Variants in MEFV observed in about 807,000 individuals in gnomAD.
MEFV encodes the protein MEFV innate immunity regulator, pyrin, also known as pyrin.
A neutral mutation model predicts 62.5 loss-of-function variants in MEFV; 60 were observed. That is an observed-to-expected ratio of 0.96 (90% CI 0.78 to 1.19). The LOEUF is 1.19. Among genes scored for constraint, MEFV ranks in the 50% most tolerant of loss-of-function variants. The probability of loss-of-function intolerance (pLI) is 0.00; values close to 1 mark genes in which losing one functional copy is unlikely to be tolerated. For synonymous variants in MEFV, 500 were observed against 415.2 expected, an observed-to-expected ratio of 1.20 and a Z score of -2.48; for missense variants, 1,169 against 1,004.5, an observed-to-expected ratio of 1.16 and a Z score of -2.21.
chr16:3,254,567 C>G lies in MEFV; in HGVS notation c.501G>C (p.Glu167Asp), dbSNP rs104895079. ...PLSKRREKASEGLDAQGKPRT... is the reference protein window; with the variant it reads ...PLSKRREKASDGLDAQGKPRT... The stretch of plus-strand genomic sequence containing the variant: ...GAGGCTTGCCCTGCGCGTCCAGGCC[C>G]TCCGAGGCCTTCTCTCTGCGTTTGC... The change falls in exon 2 of 10, where the codon GAG becomes GAC. Residue 167 changes from glutamate to aspartate, a missense_variant. Coordinates refer to ENST00000219596, the MANE Select transcript of MEFV (RefSeq NM_000243.3). 3.1e-5 allele frequency: 48 copies of G among 1,571,766 alleles called. No homozygotes were observed. Among genetic ancestry groups the G allele is most frequent in the Middle Eastern group, 3.8e-4 (2 of 5,282 alleles).
Position 3,246,999 on chromosome 16 carries a change from G to C in MEFV, c.1587+17C>G. 1 of 1,612,938 alleles carries C rather than the reference G, an allele frequency of 6.2e-7. No homozygotes were observed. The highest frequency in any genetic ancestry group is 1.1e-5 in the South Asian group (1 of 91,052). On this transcript the variant is annotated intron_variant, in intron 5 of 9. Transcript: ENST00000219596. ...AGGCACAGGGGACCCAAGAAAGCCGGGCCCAGGCACACCCACCTGCAGAAG... is the reference window on the plus strand; with the variant it reads ...AGGCACAGGGGACCCAAGAAAGCCGCGCCCAGGCACACCCACCTGCAGAAG...
At position 3,243,011 on chromosome 16, in the gene MEFV, G is replaced by A; in HGVS notation, c.*130C>T. ...TCTGCTATAATCGGGTAGGCTCCGT[G>A]GGCACAGTAACTATTTTGTTATTTT... is the stretch of plus-strand genomic sequence containing the variant. On this transcript the variant is annotated 3_prime_UTR_variant, in exon 10 of 10. Transcript: ENST00000219596. The A allele has an allele frequency of 9.5e-7, 1 of 1,054,892 alleles. No homozygotes were observed. Among genetic ancestry groups the A allele is most frequent in the Non-Finnish European group, 1.4e-6 (1 of 705,010 alleles). 65.3% of individuals were successfully genotyped at this position (1,054,892 alleles called of 1,614,324 possible). A position where few individuals can be genotyped will look rare whatever the true frequency, so the allele number is the denominator to read the frequency against.
rs746407337 is a variant in MEFV, at chr16:3,249,022, G to A, written c.1261-18C>T. ...ATTTTCTTCTGGAAAAACAGCACTTGTTGAAAAGCTTGAATTTGGCTCCTG... is the reference window on the plus strand; with the variant it reads ...ATTTTCTTCTGGAAAAACAGCACTTATTGAAAAGCTTGAATTTGGCTCCTG... On this transcript the variant is annotated intron_variant, in intron 3 of 9. Transcript: ENST00000219596. 1.7e-5 allele frequency: 27 copies of A among 1,612,846 alleles called. No homozygotes were observed. Among genetic ancestry groups the A allele is most frequent in the Non-Finnish European group, 2.2e-5 (26 of 1,179,086 alleles).
rs1567232255 is a variant in MEFV, at chr16:3,244,531, C to G, written c.1668G>C (p.Lys556Asn). The change falls in exon 7 of 10, where the codon AAG (lysine) becomes AAC (asparagine). Residue 556 changes from lysine (K) to asparagine (N), a missense_variant. By Grantham distance (94) the Lys-to-Asn change is moderately conservative (BLOSUM62 0). Coordinates refer to ENST00000219596, the MANE Select transcript of MEFV (RefSeq NM_000243.3). ...KWTTPQEIKQKIQLLHQKSEF... is the reference protein window; with the variant it reads ...KWTTPQEIKQNIQLLHQKSEF... ...CTGACTTCTGGTGGAGGAGTTGGATCTTTTGTTTTATCTCTTGAGGAGTGG... is the reference window on the plus strand; with the variant it reads ...CTGACTTCTGGTGGAGGAGTTGGATGTTTTGTTTTATCTCTTGAGGAGTGG... 1 of 1,614,188 alleles carries G rather than the reference C, an allele frequency of 6.2e-7. No individual in the cohort carries two copies. The highest frequency in any genetic ancestry group is 8.5e-7 in the Non-Finnish European group (1 of 1,180,048).
At chr16:3,246,472 C>G in intron 6 of MEFV, 53 bp downstream of exon 6, 1 of 1,609,892 alleles carries the variant, frequency 6.2e-7, no homozygotes, top group Non-Finnish European at 8.5e-7. Flanking sequence ...GACTGTCTCC[C>G]CCATATGCTT....
chr16:3,254,984 A>T (rs1260258745), intron 1 of MEFV, among the ~76,000 whole-genome samples, 194 bp from the exon 2 acceptor site: 1 of 152,194 alleles, frequency 6.6e-6, no homozygotes, highest in Non-Finnish European at 1.5e-5. Flanking sequence ...TGAGATCAGG[A>T]GTTCAAGACC....
At position 3,244,678 on chromosome 16, in the gene MEFV, G is replaced by A. The variant is rs1231124; in HGVS notation, c.1611-90C>T. ...CTGGAAATGAACTACATTCTCCACAGGGCACACCTAGCCCAGCCTGAGCTA... is the reference window on the plus strand; with the variant it reads ...CTGGAAATGAACTACATTCTCCACAAGGCACACCTAGCCCAGCCTGAGCTA... On this transcript the variant is annotated intron_variant, in intron 6 of 9. Coordinates refer to ENST00000219596, the MANE Select transcript of MEFV (RefSeq NM_000243.3). 397,922 of 945,006 alleles carry A rather than the reference G, an allele frequency of 0.42. 86,632 individuals carry two copies. Among genetic ancestry groups the A allele is most frequent in the Middle Eastern group, 0.47 (1,532 of 3,254 alleles). The allele number at this position is 945,006 out of a possible 1,614,324, so 58.5% of individuals were successfully genotyped here. A position where few individuals can be genotyped will look rare whatever the true frequency, so the allele number is the denominator to read the frequency against.
At chr16:3,248,517 G>C (rs574778911) in intron 4 of MEFV, 19 of 261,410 alleles carry the variant, frequency 7.3e-5, no homozygotes, top group African/African-American at 3.8e-4. Flanking sequence ...TTGAACCCGG[G>C]AGGCAGAGGT....
In MEFV at chr16:3,254,201, CG is replaced by C; in HGVS notation, c.866del (p.Ala289GlyfsTer3). 6.2e-7 allele frequency: 1 copy of C among 1,614,244 alleles called. No homozygotes were observed. Among genetic ancestry groups the C allele is most frequent in the Non-Finnish European group, 8.5e-7 (1 of 1,180,042 alleles). ...ARPTPDGGAS[A>X]DLKEGPGNPE... The stretch of plus-strand genomic sequence containing the variant: ...GATTTCCAGGGCCTTCCTTCAGGTC[CG>C]CAGATGCCCCTCCATCCGGAGTGGG... On this transcript the variant is annotated frameshift_variant, in exon 2 of 10. Transcript: ENST00000219596. LOFTEE classifies it high-confidence loss of function.
rs224218 is a variant in MEFV, at chr16:3,251,897, A to G, written c.911-2117T>C. ...CATCAGATTAACGAAGCGGCCCTAG[A>G]AGACACCCAGGAATCCCAATGATAT... On this transcript the variant is annotated intron_variant, in intron 2 of 9. Coordinates refer to ENST00000219596, the MANE Select transcript of MEFV (RefSeq NM_000243.3). 117,835 of 259,996 alleles carry G rather than the reference A, an allele frequency of 0.45. 28,684 individuals carry two copies. The highest frequency in any genetic ancestry group is 0.56 in the Admixed American group (13,737 of 24,474). 16.1% of individuals were successfully genotyped at this position (259,996 alleles called of 1,614,324 possible). A position where few individuals can be genotyped will look rare whatever the true frequency, so the allele number is the denominator to read the frequency against.
At chr16:3,250,746 C>T (rs1406209125) in intron 2 of MEFV, among the ~76,000 whole-genome samples, 4 of 151,240 alleles carry the variant, frequency 2.6e-5, no homozygotes, top group Non-Finnish European at 5.9e-5. Flanking sequence ...AAACACAAGG[C>T]CGAGCGCAGT....
chr16:3,254,054 C>G, intron 2 of MEFV, 104 bp downstream of exon 2: 1 of 1,322,838 alleles, frequency 7.6e-7, no homozygotes, highest in African/African-American at 1.4e-5. Context: ...GCAATCCTCC[C>G]GCCCTGGCCT....
chr16:3,242,986 T>C lies in MEFV; in HGVS notation c.*155A>G. On this transcript the variant is annotated 3_prime_UTR_variant, in exon 10 of 10. Coordinates refer to ENST00000219596, the MANE Select transcript of MEFV (RefSeq NM_000243.3). ...CTAACATGTTCGTTCCTAACTTACC[T>C]CTGCTATAATCGGGTAGGCTCCGTG... is the stretch of plus-strand genomic sequence containing the variant. 1 of 788,848 alleles carries C rather than the reference T, an allele frequency of 1.3e-6. No homozygotes were observed. The highest frequency in any genetic ancestry group is 2.1e-6 in the Non-Finnish European group (1 of 477,594). The allele number at this position is 788,848 out of a possible 1,614,324, so 48.9% of individuals were successfully genotyped here. A position where few individuals can be genotyped will look rare whatever the true frequency, so the allele number is the denominator to read the frequency against.
At position 3,254,312 on chromosome 16, in the gene MEFV, C is replaced by T. The variant is rs1473726981; in HGVS notation, c.756G>A (p.Lys252=). ...SLEVTISTGE[K]APANPEILLT... ...GGAGAATTTCTGGATTTGCGGGCGC[C>T]TTCTCCCCTGTAGAAATGGTGACCT... is the stretch of plus-strand genomic sequence containing the variant. Residue 252 remains lysine (K), a synonymous_variant, in exon 2 of 10, where the codon AAG becomes AAA. Coordinates refer to ENST00000219596, the MANE Select transcript of MEFV (RefSeq NM_000243.3). The T allele has an allele frequency of 1.2e-6, 2 of 1,614,258 alleles. No individual in the cohort carries two copies. The highest frequency in any genetic ancestry group is 1.7e-4 in the Middle Eastern group (1 of 6,060).
In MEFV at chr16:3,244,276, A is replaced by T; in HGVS notation, c.1737T>A (p.Arg579=). Reference sequence around the variant, plus strand: ...CACCATTGAACATTTCCATTTCTGAACGCAGGGTTTCTAAAATGTGGGAAA... The same window carrying T: ...CACCATTGAACATTTCCATTTCTGATCGCAGGGTTTCTAAAATGTGGGAAA... ...KSTKYFSETL[R]SEMEMFNVPE... Residue 579 remains arginine, a synonymous_variant, in exon 8 of 10, where the codon CGT becomes CGA. Transcript: ENST00000219596. 6.2e-7 allele frequency: 1 copy of T among 1,614,142 alleles called. No homozygotes were observed. Among genetic ancestry groups the T allele is most frequent in the Non-Finnish European group, 8.5e-7 (1 of 1,180,024 alleles).
chr16:3,243,000 G>A lies in MEFV; in HGVS notation c.*141C>T. On this transcript the variant is annotated 3_prime_UTR_variant, in exon 10 of 10. Transcript: ENST00000219596. ...CCTAACTTACCTCTGCTATAATCGG[G>A]TAGGCTCCGTGGGCACAGTAACTAT... 1 of 922,084 alleles carries A rather than the reference G, an allele frequency of 1.1e-6. No homozygotes were observed. The highest frequency in any genetic ancestry group is 1.7e-6 in the Non-Finnish European group (1 of 591,242). 57.1% of individuals were successfully genotyped at this position (922,084 alleles called of 1,614,324 possible). A position where few individuals can be genotyped will look rare whatever the true frequency, so the allele number is the denominator to read the frequency against.
At chr16:3,254,063 C>A (rs995914644) in intron 2 of MEFV, 95 bp downstream of exon 2, 1 of 1,418,684 alleles carries the variant, frequency 7.0e-7, no homozygotes, top group African/African-American at 1.4e-5. Flanking sequence ...CCGCCCTGGC[C>A]TCCCAAAGCG....
intron 2 of MEFV, among the ~76,000 whole-genome samples, chr16:3,253,178 A>T (rs975763244): frequency 6.6e-6 from 1 of 152,118 alleles, no homozygotes; most frequent in Admixed American, 6.6e-5. Flanking sequence ...AGATCAGAGC[A>T]AAACCAGTGC....
chr16:3,243,832 G>GA, intron 9 of MEFV, 28 bp downstream of exon 9: 1 of 1,612,392 alleles, frequency 6.2e-7, no homozygotes, highest in Non-Finnish European at 8.5e-7. Flanking sequence ...AGCAGGCCAG[G>GA]GCCACTTGCC....
Sources: allele counts gnomAD v4.1 joint callset (sites outside exome capture counted in the v4.1 genomes callset), GRCh38; gene constraint gnomAD v4.1.1; transcripts MANE v1.5; gene names NCBI Gene and HGNC (gene_info 2026-07-23, HGNC 2026-07-21).